Variants in RBM41 observed in about 807,000 individuals in gnomAD.
The protein encoded by RBM41 is RNA-binding protein 41.
A neutral mutation model predicts 30.8 loss-of-function variants in RBM41; 14 were observed. The observed-to-expected ratio is 0.45, with a 90% CI of 0.30 to 0.71. RBM41 has a LOEUF of 0.71. Among genes scored for constraint, RBM41 ranks in the 30% least tolerant of loss-of-function variants. The pLI is 0.08. For missense variants in RBM41, 276 were observed against 326.3 expected (o/e 0.85, Z 1.19); for synonymous variants, 120 against 110.1 (o/e 1.09, Z -0.56).
At chrX:107,088,924 C>A in intron 5 of RBM41, 85 bp from the exon 6 acceptor site, 1 of 1,107,704 alleles carries the variant, frequency 9.0e-7, no homozygotes, top group Non-Finnish European at 1.2e-6. Flanking sequence ...AATCCTGGAC[C>A]TCAGATAAAG....
chrX:107,112,815 AT>A, intron 5 of RBM41: 1 of 324,985 alleles, frequency 3.1e-6, no homozygotes, highest in Non-Finnish European at 6.0e-6. Context: ...TTTACATGAC[AT>A]TTTCTAAAAG....
In RBM41 at chrX:107,066,925, A is replaced by G; in HGVS notation, c.*602T>C. ...TGTGAGAACACCAACATTTTGATCT[A>G]AAATATTTCACTAGAAAAATATATA... On this transcript the variant is annotated 3_prime_UTR_variant, in exon 8 of 8. Coordinates refer to ENST00000685964, the MANE Select transcript of RBM41 (RefSeq NM_001324242.2). 4 of 746,931 alleles carry G rather than the reference A, an allele frequency of 5.4e-6. No homozygotes were observed. Among genetic ancestry groups the G allele is most frequent in the Non-Finnish European group, 6.3e-6 (4 of 632,649 alleles). The allele number at this position is 746,931 out of a possible 1,213,427, so 61.6% of individuals were successfully genotyped here.
intron 5 of RBM41, among the ~76,000 whole-genome samples, chrX:107,095,149 CAAAAAA>C (rs59436196): frequency 2.0e-5 from 1 of 51,103 alleles, no homozygotes; most frequent in African/African-American, 6.0e-5. Context: ...TATAAGGAGG[CAAAAAA>C]AAAAAAAAAA....
rs756770120 is a variant in RBM41 at position 107,065,767 on chromosome X, G to A, written c.*1760C>T. ...CACTCAGCTTCTTCAACCTGTTATC[G>A]GCAAATATATTATATTTTATACGTT... On this transcript the variant is annotated 3_prime_UTR_variant, in exon 8 of 8. Coordinates refer to ENST00000685964, the MANE Select transcript of RBM41 (RefSeq NM_001324242.2). 22 of 1,149,545 alleles carry A rather than the reference G, an allele frequency of 1.9e-5. No individual in the cohort carries two copies. Among genetic ancestry groups the A allele is most frequent in the South Asian group, 1.0e-4 (5 of 49,472 alleles). 94.7% of individuals were successfully genotyped at this position (1,149,545 alleles called of 1,213,427 possible).
downstream of RBM41, among the ~76,000 whole-genome samples, chrX:107,061,604 G>A (rs917754828): frequency 1.1e-4 from 12 of 111,366 alleles, no homozygotes; most frequent in African/African-American, 1.6e-4. Context: ...ATGTGTATAC[G>A]AATTTTTTCC....
In RBM41 at chrX:107,092,585, A is replaced by T. The variant is rs191771130; in HGVS notation, c.596-3746T>A. 4.8e-3 allele frequency among the ~76,000 whole-genome samples: 530 copies of T among 111,285 alleles called. 4 individuals carry two copies. The highest frequency in any genetic ancestry group is 0.016 in the African/African-American group (492 of 30,715). On this transcript the variant is annotated intron_variant, in intron 5 of 7. Transcript: ENST00000685964. Reference sequence around the variant, plus strand: ...CATGGTGATACTCTGTCTCTAAATTAAAAAAAATAATAAAATAAATATATA... The same window carrying T: ...CATGGTGATACTCTGTCTCTAAATTTAAAAAAATAATAAAATAAATATATA...
At position 107,088,745 on chromosome X, in the gene RBM41, T is replaced by C. The variant is rs747838421; in HGVS notation, c.690A>G (p.Gln230=). The C allele has an allele frequency of 8.3e-7, 1 of 1,211,479 alleles. No homozygotes were observed. Among genetic ancestry groups the C allele is most frequent in the Admixed American group, 2.2e-5 (1 of 46,012 alleles). ...AAGCAAAGGGTTCACCTCTCATAAG[T>C]TGAAACTCTTCAAGACGTTTTTTCA... ...MIMKKRLEEF[Q]LMRGEPFASH... The change falls in exon 6 of 8, where the codon CAA becomes CAG. Residue 230 remains glutamine, a synonymous_variant. Transcript: ENST00000685964.
intron 4 of RBM41, 41 bp downstream of exon 4, chrX:107,115,311 C>T: frequency 8.5e-7 from 1 of 1,169,721 alleles, no homozygotes; most frequent in Non-Finnish European, 1.2e-6. Flanking sequence ...TAATCTTTCT[C>T]TCAGTGAAAG....
In RBM41 at chrX:107,064,716, G is replaced by C. The variant is rs1935776454; in HGVS notation, c.*2811C>G. 1 of 111,961 alleles carries C rather than the reference G, an allele frequency of 8.9e-6. No homozygotes were observed. Among genetic ancestry groups the C allele is most frequent in the African/African-American group, 3.2e-5 (1 of 30,815 alleles). 9.2% of individuals were successfully genotyped at this position (111,961 alleles called of 1,213,427 possible). ...TTAACTTATGACCTATTTTGGAGAT[G>C]TTTCATATGCACTCGAGAAGAATAT... On this transcript the variant is annotated 3_prime_UTR_variant, in exon 8 of 8. Coordinates refer to ENST00000685964, the MANE Select transcript of RBM41 (RefSeq NM_001324242.2).
intron 5 of RBM41, 113 bp downstream of exon 5, chrX:107,113,283 TG>T (rs1428390634): frequency 1.1e-6 from 1 of 872,099 alleles, no homozygotes. Context: ...ATGCTCCCTC[TG>T]GATCATTTCC....
chrX:107,080,479 G>T (rs1439704499), intron 6 of RBM41, among the ~76,000 whole-genome samples: 1 of 111,500 alleles, frequency 9.0e-6, no homozygotes, highest in Admixed American at 9.5e-5. Flanking sequence ...TTGGGAAGTT[G>T]AAGTAGGAGA....
At chrX:107,083,117 C>T (rs1453142027) in intron 6 of RBM41, among the ~76,000 whole-genome samples, 1 of 108,932 alleles carries the variant, frequency 9.2e-6, no homozygotes, top group Non-Finnish European at 1.9e-5. Flanking sequence ...GAAAAAATTC[C>T]CTCAGTTTTG....
At chrX:107,115,205 GTC>G in intron 4 of RBM41, 145 bp downstream of exon 4, 2 of 567,200 alleles carry the variant, frequency 3.5e-6, no homozygotes, top group Non-Finnish European at 5.7e-6. Flanking sequence ...GCACATATTT[GTC>G]TCTCTTATGG....
intron 6 of RBM41, among the ~76,000 whole-genome samples, chrX:107,084,551 T>C (rs921900151): frequency 9.0e-6 from 1 of 111,242 alleles, no homozygotes; most frequent in Admixed American, 9.6e-5. Context: ...ACCTTGAAAC[T>C]TGTGGGGTTC....
chrX:107,067,259 G>A lies in RBM41; in HGVS notation c.*268C>T. Reference sequence around the variant, plus strand: ...TATAAAGATTTTTAAAAATCCTTAGGAATAATCCGTTGTAATTCATCCTGA... The same window carrying A: ...TATAAAGATTTTTAAAAATCCTTAGAAATAATCCGTTGTAATTCATCCTGA... On this transcript the variant is annotated 3_prime_UTR_variant, in exon 8 of 8. Coordinates refer to ENST00000685964, the MANE Select transcript of RBM41 (RefSeq NM_001324242.2). The A allele has an allele frequency of 1.2e-6, 1 of 855,313 alleles. No homozygotes were observed. Among genetic ancestry groups the A allele is most frequent in the Non-Finnish European group, 1.4e-6 (1 of 702,532 alleles). 70.5% of individuals were successfully genotyped at this position (855,313 alleles called of 1,213,427 possible).
In RBM41 at chrX:107,116,071, A is replaced by T. The variant is rs1029343030; in HGVS notation, c.126-17T>A. On this transcript the variant is annotated splice_polypyrimidine_tract_variant and intron_variant, in intron 2 of 7. Transcript: ENST00000685964. ...GACATACATCTGCAAAACATGCAGG[A>T]GGAGAGTAAGAACATCTTGAGGTTA... The T allele has an allele frequency of 1.8e-6, 2 of 1,137,369 alleles. No individual in the cohort carries two copies. Among genetic ancestry groups the T allele is most frequent in the African/African-American group, 3.6e-5 (2 of 55,124 alleles). 93.7% of individuals were successfully genotyped at this position (1,137,369 alleles called of 1,213,427 possible).
Position 107,076,272 on chromosome X carries a change from G to A in RBM41, c.1000-6870C>T, listed in dbSNP as rs750599329. Reference sequence around the variant, plus strand: ...GTAGAGGTTGTAGTGAACCGAGATCGCACCACTGTATTCCAGCTCAGACGA... The same window carrying A: ...GTAGAGGTTGTAGTGAACCGAGATCACACCACTGTATTCCAGCTCAGACGA... On this transcript the variant is annotated intron_variant, in intron 6 of 7. Transcript: ENST00000685964. Among the ~76,000 whole-genome samples the A allele has an allele frequency of 3.8e-4, 41 of 107,959 alleles. No homozygotes were observed. The East Asian group carries it at 9.5e-3, about 25-fold the overall frequency. 93.7% of individuals were successfully genotyped at this position (107,959 alleles called of 115,157 possible).
At chrX:107,103,816 AC>A (rs1569342107) in intron 5 of RBM41, among the ~76,000 whole-genome samples, 1 of 111,659 alleles carries the variant, frequency 9.0e-6, no homozygotes, top group Non-Finnish European at 1.9e-5. Flanking sequence ...AAAAATCACA[AC>A]ACTAGTTGCC....
At chrX:107,077,573 AAC>A (rs35841168) in intron 6 of RBM41, among the ~76,000 whole-genome samples, 3,372 of 92,161 alleles carry the variant, frequency 0.037, 67 homozygotes, top group South Asian at 0.067. Context: ...CAACATACAT[AAC>A]ACACACACAC....
Sources: allele counts gnomAD v4.1 joint callset (sites outside exome capture counted in the v4.1 genomes callset), GRCh38; gene constraint gnomAD v4.1.1; transcripts MANE v1.5; gene names NCBI Gene and HGNC (gene_info 2026-07-23, HGNC 2026-07-21).